The following TNPO3 variants were observed in gnomAD, a reference collection of about 807,000 sequenced individuals.
The protein encoded by TNPO3 is transportin-3.
Under a neutral mutation model 122.8 loss-of-function variants are expected in TNPO3, and 65 were observed. That is an observed-to-expected ratio of 0.53 (90% CI 0.43 to 0.65). The LOEUF is 0.65. Among genes scored for constraint, TNPO3 ranks in the 30% least tolerant of loss-of-function variants. TNPO3 has a pLI of 0.00. For synonymous variants in TNPO3, 372 were observed against 411.2 expected (o/e 0.90, Z 1.15); for missense variants, 850 against 1,136.7 (o/e 0.75, Z 3.63).
intron 4 of TNPO3, among the ~76,000 whole-genome samples, chr7:129,010,421 G>C (rs1037728889): frequency 6.6e-6 from 1 of 152,076 alleles, no homozygotes; most frequent in African/African-American, 2.4e-5. Context: ...TCCCACCTCA[G>C]CCTTCCAACG....
intron 5 of TNPO3, among the ~76,000 whole-genome samples, chr7:129,002,683 CCAAGG>C (rs2150383594): frequency 6.6e-6 from 1 of 152,226 alleles, no homozygotes; most frequent in African/African-American, 2.4e-5. Context: ...CTTTGGGAGG[CCAAGG>C]TGGGCAGATC....
intron 13 of TNPO3, 24 bp from the exon 14 acceptor site, chr7:128,982,348 C>T (rs1263553710): frequency 6.2e-7 from 1 of 1,602,198 alleles, no homozygotes; most frequent in Non-Finnish European, 8.5e-7. Context: ...AGGACATTAA[C>T]ACCCAATTGT....
chr7:129,046,923 C>A (rs1294815487), intron 1 of TNPO3, among the ~76,000 whole-genome samples: 2 of 152,108 alleles, frequency 1.3e-5, no homozygotes, highest in Non-Finnish European at 2.9e-5. Context: ...CTCTACCTGG[C>A]CCCACCTTGC....
chr7:128,959,319 T>C (rs1563084422), intron 21 of TNPO3, among the ~76,000 whole-genome samples: 1 of 152,196 alleles, frequency 6.6e-6, no homozygotes, highest in Admixed American at 6.5e-5. Context: ...CCTAATGTCT[T>C]ACATGTTTTA....
chr7:129,043,733 T>C (rs1807683081), intron 1 of TNPO3, among the ~76,000 whole-genome samples: 1 of 152,192 alleles, frequency 6.6e-6, no homozygotes, highest in Admixed American at 6.5e-5. Flanking sequence ...TTTAGATCCA[T>C]AAAGCCAACT....
intron 1 of TNPO3, among the ~76,000 whole-genome samples, chr7:129,048,254 T>A (rs1156472891): frequency 6.6e-6 from 1 of 151,296 alleles, no homozygotes; most frequent in Admixed American, 6.6e-5. Context: ...ATAGACCAGG[T>A]GCAGTGGCTC....
chr7:129,033,497 T>G (rs879351290), intron 1 of TNPO3, among the ~76,000 whole-genome samples: 5 of 152,176 alleles, frequency 3.3e-5, no homozygotes, highest in Non-Finnish European at 7.3e-5. Context: ...TTTGCATCAC[T>G]GGTGGGAATG....
chr7:128,975,385 T>C (rs187338297), intron 17 of TNPO3, among the ~76,000 whole-genome samples: 3 of 152,328 alleles, frequency 2.0e-5, no homozygotes, highest in African/African-American at 7.2e-5. Flanking sequence ...TTCCCCTCTG[T>C]GGCTGGAAGG....
intron 21 of TNPO3, among the ~76,000 whole-genome samples, chr7:128,965,540 A>C (rs4731534): frequency 0.59 from 90,074 of 152,016 alleles, 26,892 homozygotes; most frequent in South Asian, 0.62. Flanking sequence ...GATGGTTCTT[A>C]AAAAAATTAA....
At chr7:129,012,054 G>A (rs977134000) in intron 4 of TNPO3, among the ~76,000 whole-genome samples, 3 of 129,996 alleles carry the variant, frequency 2.3e-5, no homozygotes, top group African/African-American at 9.0e-5. Context: ...TGCCCAGACT[G>A]GAGTGCAGTG....
chr7:129,003,282 A>AT (rs1802193387), intron 5 of TNPO3, among the ~76,000 whole-genome samples: 1 of 141,404 alleles, frequency 7.1e-6, no homozygotes, highest in South Asian at 2.2e-4. Flanking sequence ...TATATGAAGT[A>AT]TTTTAATTTT....
chr7:128,960,233 C>G (rs1258946464), intron 21 of TNPO3, among the ~76,000 whole-genome samples: 1 of 151,992 alleles, frequency 6.6e-6, no homozygotes, highest in Non-Finnish European at 1.5e-5. Flanking sequence ...AAACAATTAT[C>G]TACAGTATAC....
intron 15 of TNPO3, among the ~76,000 whole-genome samples, chr7:128,979,344 T>C (rs1287571493): frequency 6.6e-6 from 1 of 152,198 alleles, no homozygotes; most frequent in Non-Finnish European, 1.5e-5. Context: ...TGGAAGAGCA[T>C]GTCTAACTTT....
chr7:129,054,833 T>C lies in TNPO3; in HGVS notation c.-63A>G. The C allele has an allele frequency of 6.2e-7, 1 of 1,608,550 alleles. No homozygotes were observed. Among genetic ancestry groups the C allele is most frequent in the Middle Eastern group, 1.7e-4 (1 of 6,050 alleles). On this transcript the variant is annotated 5_prime_UTR_variant, in exon 1 of 23. Coordinates refer to ENST00000265388, the MANE Select transcript of TNPO3 (RefSeq NM_012470.4). ...CTTCTCCGGAGGATTCCTCGGTTGC[T>C]CCGCCTTCGCGCTTCCTCACTGTCT...
intron 1 of TNPO3, among the ~76,000 whole-genome samples, chr7:129,046,143 C>A (rs1472167354): frequency 1.5e-5 from 2 of 133,664 alleles, no homozygotes; most frequent in African/African-American, 2.8e-5. Flanking sequence ...TTGCAGTGAG[C>A]CAAGATTGCA....
At chr7:129,009,539 C>G (rs1293158313) in intron 4 of TNPO3, among the ~76,000 whole-genome samples, 1 of 152,168 alleles carries the variant, frequency 6.6e-6, no homozygotes, top group South Asian at 2.1e-4. Flanking sequence ...CAGACTGCAT[C>G]ACAGTTCCTC....
intron 7 of TNPO3, among the ~76,000 whole-genome samples, chr7:128,998,589 T>C (rs1801595212): frequency 6.6e-6 from 1 of 152,056 alleles, no homozygotes; most frequent in South Asian, 2.1e-4. Flanking sequence ...AGTGGTGTAA[T>C]CATGGCTCAC....
intron 12 of TNPO3, among the ~76,000 whole-genome samples, chr7:128,984,561 T>A (rs556114998): frequency 1.3e-5 from 2 of 152,354 alleles, no homozygotes; most frequent in African/African-American, 2.4e-5. Context: ...TATACCATAG[T>A]GTAATGTTTC....
chr7:129,039,334 G>A (rs1044192362), intron 1 of TNPO3, among the ~76,000 whole-genome samples: 1 of 152,198 alleles, frequency 6.6e-6, no homozygotes, highest in African/African-American at 2.4e-5. Flanking sequence ...GGCCAAGGCA[G>A]GAGGATCGCT....
Sources: allele counts gnomAD v4.1 joint callset (sites outside exome capture counted in the v4.1 genomes callset), GRCh38; gene constraint gnomAD v4.1.1; transcripts MANE v1.5; gene names NCBI Gene and HGNC (gene_info 2026-07-23, HGNC 2026-07-21).